The following TUSC3 variants were observed in gnomAD, a reference collection of about 807,000 sequenced individuals.
TUSC3 encodes dolichyl-diphosphooligosaccharide--protein glycosyltransferase subunit TUSC3.
TUSC3 carries 45 observed loss-of-function variants against 44.8 expected under a neutral mutation model. The observed-to-expected ratio is 1.00, with a 90% CI of 0.79 to 1.29. The LOEUF is 1.29. Among genes scored for constraint, TUSC3 ranks in the 50% most tolerant of loss-of-function variants. The pLI is 0.00. For missense variants in TUSC3, 519 were observed against 437.9 expected, an observed-to-expected ratio of 1.19 and a Z score of -1.65; for synonymous variants, 212 against 152.9, an observed-to-expected ratio of 1.39 and a Z score of -2.85.
At chr8:15,480,856 T>C (rs914940658) in intron 1 of TUSC3, among the ~76,000 whole-genome samples, 13 of 152,210 alleles carry the variant, frequency 8.5e-5, no homozygotes, top group Middle Eastern at 3.2e-3. Flanking sequence ...GACTTCAATA[T>C]ACGAATTTTG....
chr8:15,476,633 A>G (rs1800578390), intron 1 of TUSC3, among the ~76,000 whole-genome samples: 1 of 152,112 alleles, frequency 6.6e-6, no homozygotes, highest in South Asian at 2.1e-4. Context: ...CCAAATGCAC[A>G]AACAAAGCTG....
At chr8:15,617,569 G>C (rs541317175) in intron 1 of TUSC3, among the ~76,000 whole-genome samples, 2 of 152,250 alleles carry the variant, frequency 1.3e-5, no homozygotes, top group South Asian at 4.1e-4. Context: ...AAAGCCAGAT[G>C]TATATTTACT....
chr8:15,486,687 C>T (rs927078835), intron 2 of TUSC3, among the ~76,000 whole-genome samples: 1 of 151,988 alleles, frequency 6.6e-6, no homozygotes, highest in Non-Finnish European at 1.5e-5. Context: ...TCGTGATTCA[C>T]CTGCCTCCGC....
chr8:15,419,681 G>A (rs1044466926), intron 1 of TUSC3, among the ~76,000 whole-genome samples: 1 of 152,140 alleles, frequency 6.6e-6, no homozygotes, highest in African/African-American at 2.4e-5. Context: ...ATTTAACTGA[G>A]AGTTTTAGAA....
chr8:15,692,371 C>CCCCCTTCCTTTT (rs1563175839), intron 6 of TUSC3, among the ~76,000 whole-genome samples: 1 of 18,822 alleles, frequency 5.3e-5, no homozygotes, highest in Non-Finnish European at 1.0e-4. Flanking sequence ...CCCCCCCCCC[C>CCCCCTTCCTTTT]TTTGTTTTTT....
chr8:15,564,102 C>T (rs1047218655), intron 1 of TUSC3, among the ~76,000 whole-genome samples: 12 of 151,992 alleles, frequency 7.9e-5, no homozygotes, highest in African/African-American at 2.9e-4. Context: ...CTTGAAGTTT[C>T]AAAATTTTTA....
chr8:15,534,706 C>G (rs187943280), intron 2 of TUSC3, among the ~76,000 whole-genome samples: 1 of 150,778 alleles, frequency 6.6e-6, no homozygotes, highest in South Asian at 2.1e-4. Flanking sequence ...GAGCAATGAA[C>G]GATTCGTGAA....
intron 1 of TUSC3, among the ~76,000 whole-genome samples, chr8:15,425,821 T>C (rs1166705460): frequency 1.3e-5 from 2 of 152,158 alleles, no homozygotes; most frequent in Non-Finnish European, 2.9e-5. Context: ...CTACCACAAA[T>C]ATAATCAATG....
chr8:15,517,173 A>G (rs909322827), intron 2 of TUSC3, among the ~76,000 whole-genome samples: 1 of 152,190 alleles, frequency 6.6e-6, no homozygotes, highest in African/African-American at 2.4e-5. Context: ...ACTTGAGATT[A>G]CACCAATTTG....
chr8:15,544,339 C>G (rs937480291), intron 1 of TUSC3, among the ~76,000 whole-genome samples: 1 of 148,734 alleles, frequency 6.7e-6, no homozygotes, highest in Admixed American at 6.7e-5. Flanking sequence ...GAAAAGAGCT[C>G]CAATTCTGTA....
intron 6 of TUSC3, among the ~76,000 whole-genome samples, chr8:15,720,184 T>C (rs982110033): frequency 7.8e-6 from 1 of 128,812 alleles, no homozygotes; most frequent in African/African-American, 2.9e-5. Context: ...CATTGTTAAA[T>C]ATAGTGTATA....
At chr8:15,609,350 A>G (rs973316933) in intron 1 of TUSC3, among the ~76,000 whole-genome samples, 7 of 152,192 alleles carry the variant, frequency 4.6e-5, no homozygotes, top group African/African-American at 1.4e-4. Context: ...ACTCATTTAC[A>G]CTGGTAATAG....
intron 1 of TUSC3, among the ~76,000 whole-genome samples, chr8:15,602,225 C>A (rs1398689857): frequency 6.6e-6 from 1 of 151,570 alleles, no homozygotes; most frequent in African/African-American, 2.4e-5. Flanking sequence ...GATACTCAGC[C>A]TATATATAGG....
At chr8:15,778,028 G>A in the TUSC3 span, among the ~76,000 whole-genome samples, 1 of 150,912 alleles carries the variant, frequency 6.6e-6, no homozygotes, top group Admixed American at 6.6e-5. Context: ...AATCCTAGTA[G>A]GATTGTGCTT....
At chr8:15,502,258 A>G (rs1021267653) in intron 2 of TUSC3, among the ~76,000 whole-genome samples, 3 of 152,168 alleles carry the variant, frequency 2.0e-5, no homozygotes, top group South Asian at 2.1e-4. Context: ...AGTTTCGTGT[A>G]TATATTCTTA....
intron 1 of TUSC3, among the ~76,000 whole-genome samples, chr8:15,472,974 A>G (rs1451408012): frequency 6.6e-6 from 1 of 152,258 alleles, no homozygotes; most frequent in South Asian, 2.1e-4. Context: ...CACCCTGCCT[A>G]AAGTTTTCTA....
At chr8:15,745,420 C>G (rs115172126) in intron 8 of TUSC3, among the ~76,000 whole-genome samples, 1 of 151,992 alleles carries the variant, frequency 6.6e-6, no homozygotes, top group African/African-American at 2.4e-5. Context: ...TTTACATTCC[C>G]GACAACAGTG....
At chr8:15,588,335 C>T (rs763786352) in intron 1 of TUSC3, among the ~76,000 whole-genome samples, 2 of 152,076 alleles carry the variant, frequency 1.3e-5, no homozygotes, top group Non-Finnish European at 2.9e-5. Context: ...TTTTCAGATA[C>T]TTGTTGGCCA....
chr8:15,753,145 A>G (rs1173561858), intron 9 of TUSC3, among the ~76,000 whole-genome samples: 2 of 152,016 alleles, frequency 1.3e-5, no homozygotes, highest in Admixed American at 1.3e-4. Context: ...CTCTTCATGT[A>G]TCCTCAGATC....
Sources: gnomAD v4.1 joint callset for allele counts (sites outside exome capture counted in the v4.1 genomes callset) on GRCh38, gnomAD v4.1.1 for gene constraint, MANE v1.5 for transcripts, NCBI Gene and HGNC (gene_info 2026-07-23, HGNC 2026-07-21) for gene names.